CHRM3: variants seen among roughly 807,000 people sequenced by gnomAD.
The protein encoded by CHRM3 is cholinergic receptor muscarinic 3, also known as muscarinic acetylcholine receptor M3.
CHRM3 carries 11 observed loss-of-function variants against 41.8 expected under a neutral mutation model. The observed-to-expected ratio is 0.26, with a 90% confidence interval of 0.17 to 0.44. The LOEUF is 0.44. Ranked by LOEUF, CHRM3 falls within the 20% of genes least tolerant of loss-of-function variation. The pLI is 1.00. For synonymous variants in CHRM3, 297 were observed against 301.4 expected (o/e 0.99, Z 0.15); for missense variants, 571 against 745.4 (o/e 0.77, Z 2.72).
intron 5 of CHRM3, among the ~76,000 whole-genome samples, chr1:239,825,860 G>C (rs1315931128): frequency 6.6e-6 from 1 of 152,172 alleles, no homozygotes; most frequent in Non-Finnish European, 1.5e-5. Context: ...GATTACAGGT[G>C]TGAAACACTG....
chr1:239,854,910 T>G (rs2149241992), intron 6 of CHRM3, among the ~76,000 whole-genome samples: 1 of 152,302 alleles, frequency 6.6e-6, no homozygotes, highest in South Asian at 2.1e-4. Flanking sequence ...AAAATTGCAT[T>G]GCTCAGACTC....
chr1:239,817,350 G>C (rs905745326), intron 5 of CHRM3, among the ~76,000 whole-genome samples: 1 of 152,092 alleles, frequency 6.6e-6, no homozygotes, highest in African/African-American at 2.4e-5. Context: ...TGACTCATTT[G>C]CAAAACTATC....
intron 1 of CHRM3, among the ~76,000 whole-genome samples, chr1:239,421,846 A>ATT (rs201854582): frequency 1.3e-5 from 2 of 148,188 alleles, no homozygotes; most frequent in Non-Finnish European, 3.0e-5. Flanking sequence ...CTGATGCCAG[A>ATT]TTTTTTTTTT....
chr1:239,529,499 C>A (rs1159299860), intron 2 of CHRM3, among the ~76,000 whole-genome samples: 2 of 151,550 alleles, frequency 1.3e-5, no homozygotes, highest in Non-Finnish European at 2.9e-5. Flanking sequence ...GTAATCCCAG[C>A]CACTCGGGAG....
chr1:239,390,195 T>A (rs1658905236), intron 1 of CHRM3, among the ~76,000 whole-genome samples: 1 of 152,236 alleles, frequency 6.6e-6, no homozygotes, highest in Admixed American at 6.6e-5. Context: ...CCACGTTTAC[T>A]TTTAAAAGTT....
At chr1:239,551,275 G>GCCTCAGC (rs1659799592) in intron 3 of CHRM3, among the ~76,000 whole-genome samples, 1 of 145,946 alleles carries the variant, frequency 6.9e-6, no homozygotes, top group Non-Finnish European at 1.5e-5. Context: ...TGATTCTCCT[G>GCCTCAGC]CCTCAGCCTC....
Position 239,908,833 on chromosome 1 carries a change from C to G in CHRM3, c.1382C>G (p.Ala461Gly), listed in dbSNP as rs747913903. The G allele has an allele frequency of 2.4e-5, 39 of 1,614,018 alleles. 2 individuals carry two copies. In the South Asian group the frequency reaches 3.8e-4, roughly 16 times the overall value. Residue 461 changes from alanine (A) to glycine (G), a missense_variant, in exon 7 of 7, where the codon GCC becomes GGC. Ala to Gly is a moderately conservative substitution (Grantham distance 60). Coordinates refer to ENST00000676153, the MANE Select transcript of CHRM3 (RefSeq NM_001375978.1). This position sits in a 1 kb window ranked among gnomAD's most constrained non-coding sequence, Gnocchi z 7.2. ...ACTCTACCTCTGTCCTTCAAGGAAG[C>G]CACTCTGGCCAAGAGGTTTGCTCTG... ...TATLPLSFKEATLAKRFALKT... is the reference protein window; with the variant it reads ...TATLPLSFKEGTLAKRFALKT...
At chr1:239,865,085 C>T (rs1033722361) in intron 6 of CHRM3, among the ~76,000 whole-genome samples, 2 of 152,190 alleles carry the variant, frequency 1.3e-5, no homozygotes, top group African/African-American at 4.8e-5. Flanking sequence ...ACTTAAATAA[C>T]TGCCCATTGA....
At chr1:239,891,480 G>C (rs1489785828) in intron 6 of CHRM3, among the ~76,000 whole-genome samples, 1 of 152,114 alleles carries the variant, frequency 6.6e-6, no homozygotes. Context: ...TGGCCATTCT[G>C]ACAGGCTAAG....
At chr1:239,600,020 A>G (rs778531329) in intron 3 of CHRM3, among the ~76,000 whole-genome samples, 3 of 152,136 alleles carry the variant, frequency 2.0e-5, no homozygotes, top group Admixed American at 6.5e-5. Context: ...CTCAACCTGC[A>G]TTTTGCTGTA....
chr1:239,688,706 A>G, intron 5 of CHRM3, among the ~76,000 whole-genome samples: 1 of 133,636 alleles, frequency 7.5e-6, no homozygotes, highest in Admixed American at 8.3e-5. Context: ...AATATTATAT[A>G]TAATACATTA....
intron 6 of CHRM3, among the ~76,000 whole-genome samples, chr1:239,850,242 C>T (rs1674591416): frequency 1.3e-5 from 2 of 152,054 alleles, no homozygotes; most frequent in Non-Finnish European, 2.9e-5. Context: ...TTAAGAAAAC[C>T]ATTAAGAAGA....
In CHRM3 at chr1:239,823,564, G is replaced by A. The variant is rs137883399; in HGVS notation, c.-146-3688G>A. ...GCCCTCTCAGCCTCAAGTCAGTACC[G>A]TGAGAAGGATATATTACTGTCGACT... On this transcript the variant is annotated intron_variant, in intron 5 of 6. Transcript: ENST00000676153. Among the ~76,000 whole-genome samples the A allele has an allele frequency of 4.5e-3, 678 of 152,108 alleles. 5 individuals are homozygous for A. The highest frequency in any genetic ancestry group is 0.016 in the African/African-American group (654 of 41,502).
At chr1:239,614,328 T>C (rs1198223781) in intron 3 of CHRM3, among the ~76,000 whole-genome samples, 1 of 152,164 alleles carries the variant, frequency 6.6e-6, no homozygotes, top group African/African-American at 2.4e-5. Flanking sequence ...CAAAAATTAA[T>C]CAGAGAGTGT....
At chr1:239,881,282 C>CAAAAAA (rs71567253) in intron 6 of CHRM3, among the ~76,000 whole-genome samples, 3,452 of 33,932 alleles carry the variant, frequency 0.1, 978 homozygotes, top group Middle Eastern at 0.17. Flanking sequence ...GACTCCGTCT[C>CAAAAAA]AAAAAAAAAA....
At chr1:239,607,534 T>C (rs76554773) in intron 3 of CHRM3, among the ~76,000 whole-genome samples, 457 of 152,246 alleles carry the variant, frequency 3.0e-3, no homozygotes, top group Non-Finnish European at 4.6e-3. Flanking sequence ...CTTCAATAAT[T>C]TGGAATGTTT....
At chr1:239,417,723 A>C (rs985238551) in intron 1 of CHRM3, among the ~76,000 whole-genome samples, 3 of 152,114 alleles carry the variant, frequency 2.0e-5, no homozygotes, top group Non-Finnish European at 4.4e-5. Flanking sequence ...TTAGAAATTA[A>C]CAAGAAATTA....
intron 1 of CHRM3, among the ~76,000 whole-genome samples, chr1:239,434,148 C>T (rs985974469): frequency 6.6e-6 from 1 of 152,204 alleles, no homozygotes; most frequent in Non-Finnish European, 1.5e-5. Context: ...TTTTAAGGAT[C>T]ACAGTCTCAT....
chr1:239,662,695 G>T (rs1288334264), intron 4 of CHRM3, among the ~76,000 whole-genome samples: 1 of 151,964 alleles, frequency 6.6e-6, no homozygotes. Flanking sequence ...TTCTGCAATG[G>T]ATATTAATAA....
Sources: allele counts gnomAD v4.1 joint callset (sites outside exome capture counted in the v4.1 genomes callset), GRCh38; gene constraint gnomAD v4.1.1; non-coding constraint Gnocchi (gnomAD v3.1); transcripts MANE v1.5; gene names NCBI Gene and HGNC (gene_info 2026-07-23, HGNC 2026-07-21).